Variants in MYO16 observed in about 807,000 individuals in gnomAD.
The protein encoded by MYO16 is unconventional myosin-XVI.
A neutral mutation model predicts 205.3 loss-of-function variants in MYO16; 94 were observed. The observed-to-expected ratio is 0.46, with a 90% CI of 0.39 to 0.54. The LOEUF is 0.54. Among genes scored for constraint, MYO16 ranks in the 20% least tolerant of loss-of-function variants. MYO16 has a pLI of 0.00. For synonymous variants in MYO16, 988 were observed against 954.0 expected, an observed-to-expected ratio of 1.04 and a Z score of -0.66; for missense variants, 2,315 against 2,387.5, an observed-to-expected ratio of 0.97 and a Z score of 0.63.
intron 16 of MYO16, among the ~76,000 whole-genome samples, chr13:108,922,282 C>A (rs1170407860): frequency 6.7e-6 from 1 of 148,258 alleles, no homozygotes; most frequent in Non-Finnish European, 1.5e-5. Flanking sequence ...GACTGCAGAG[C>A]CCTGGGAGGC....
chr13:109,098,026 T>C (rs1025575791), intron 27 of MYO16, among the ~76,000 whole-genome samples: 13 of 152,254 alleles, frequency 8.5e-5, no homozygotes, highest in Admixed American at 7.9e-4. Flanking sequence ...CAAATTACCA[T>C]AGACTGTGTG....
chr13:109,056,064 T>C (rs183982985), intron 27 of MYO16: 2 of 158,394 alleles, frequency 1.3e-5, no homozygotes, highest in East Asian at 3.6e-4. Flanking sequence ...CCACAATCAT[T>C]TCTTTGCATA....
At chr13:108,999,663 T>C (rs537317465) in intron 21 of MYO16, among the ~76,000 whole-genome samples, 13 of 152,270 alleles carry the variant, frequency 8.5e-5, no homozygotes, top group African/African-American at 2.9e-4. Flanking sequence ...ATATAAACTA[T>C]ACATTTAATG....
chr13:109,031,493 T>C (rs1886546497), intron 23 of MYO16, among the ~76,000 whole-genome samples: 1 of 152,220 alleles, frequency 6.6e-6, no homozygotes, highest in South Asian at 2.1e-4. Context: ...ACCTAAACTA[T>C]TGGCACTGAT....
chr13:108,566,542 G>T, the MYO16 span, among the ~76,000 whole-genome samples: 16 of 151,902 alleles, frequency 1.1e-4, no homozygotes, highest in Non-Finnish European at 2.1e-4. Context: ...TGAGGCAGGA[G>T]AATTGCTAAA....
intron 33 of MYO16, among the ~76,000 whole-genome samples, chr13:109,176,122 C>G (rs1879161456): frequency 6.6e-6 from 1 of 152,036 alleles, no homozygotes; most frequent in African/African-American, 2.4e-5. Flanking sequence ...TGCATATTCT[C>G]TTTATGTCTG....
At chr13:108,826,265 C>G (rs1876258878) in intron 9 of MYO16, among the ~76,000 whole-genome samples, 1 of 151,932 alleles carries the variant, frequency 6.6e-6, no homozygotes, top group Non-Finnish European at 1.5e-5. Context: ...AAAAAGAACC[C>G]CTTACATTTC....
At chr13:108,855,357 C>A in intron 10 of MYO16, 86 bp from the exon 11 acceptor site, 1 of 598,288 alleles carries the variant, frequency 1.7e-6, no homozygotes, top group South Asian at 3.7e-5. Flanking sequence ...AAATGTTTGA[C>A]AGGTAATTGA....
chr13:108,691,901 G>A (rs771654921), intron 2 of MYO16, among the ~76,000 whole-genome samples: 20 of 152,110 alleles, frequency 1.3e-4, no homozygotes, highest in Non-Finnish European at 2.8e-4. Context: ...GAATCTTTAG[G>A]AAACAATTCT....
At chr13:108,807,633 C>T (rs1296711839) in intron 7 of MYO16, among the ~76,000 whole-genome samples, 4 of 152,076 alleles carry the variant, frequency 2.6e-5, no homozygotes, top group African/African-American at 9.7e-5. Flanking sequence ...GAGGCTATCC[C>T]ATTGGTTCAA....
intron 32 of MYO16, among the ~76,000 whole-genome samples, chr13:109,159,084 C>T (rs188123336): frequency 6.6e-6 from 1 of 152,160 alleles, no homozygotes; most frequent in Non-Finnish European, 1.5e-5. Context: ...ATGTATGGAC[C>T]TTGTGTCTTT....
chr13:108,556,399 T>C, the MYO16 span, among the ~76,000 whole-genome samples: 1 of 152,200 alleles, frequency 6.6e-6, no homozygotes, highest in Non-Finnish European at 1.5e-5. Flanking sequence ...TGAGCCTTTT[T>C]TTTGTATACC....
intron 33 of MYO16, among the ~76,000 whole-genome samples, chr13:109,178,970 T>C (rs2139913845): frequency 1.3e-5 from 2 of 152,344 alleles, no homozygotes; most frequent in Non-Finnish European, 2.9e-5. Flanking sequence ...CTCTGCATGG[T>C]TGCTCATGAA....
chr13:108,738,166 G>C (rs1221571919), intron 4 of MYO16, among the ~76,000 whole-genome samples: 1 of 114,856 alleles, frequency 8.7e-6, no homozygotes, highest in Non-Finnish European at 1.8e-5. Flanking sequence ...GTTATCTCTT[G>C]CGTTCTGCTA....
chr13:108,836,253 T>C (rs988334503), intron 9 of MYO16, among the ~76,000 whole-genome samples: 1 of 152,204 alleles, frequency 6.6e-6, no homozygotes, highest in African/African-American at 2.4e-5. Context: ...CCCCAAGCCT[T>C]GGTGGAATAC....
Position 109,165,058 on chromosome 13 carries a change from T to C in MYO16, c.5322T>C (p.Asn1774=). 2 of 1,590,568 alleles carry C rather than the reference T, an allele frequency of 1.3e-6. No individual in the cohort carries two copies. The highest frequency in any genetic ancestry group is 2.3e-5 in the South Asian group (2 of 86,454). Residue 1774 remains asparagine (N), a splice_region_variant and synonymous_variant, in exon 33 of 35, where the codon AAT becomes AAC. Transcript: ENST00000457511. ...ITAENGNSIS[N]GLPEEDGYSR... is the part of the protein sequence containing the mutation. ...CTGAAAATGGAAATTCCATCTCAAA[T>C]GGTAAGCACTTTTTAAACTCAGAAG...
chr13:108,723,454 T>G (rs1884234730), intron 3 of MYO16, among the ~76,000 whole-genome samples: 1 of 152,168 alleles, frequency 6.6e-6, no homozygotes, highest in Admixed American at 6.5e-5. Context: ...TTTTGTAACT[T>G]TTGGTTTTAC....
chr13:108,880,644 G>C (rs911044591), intron 12 of MYO16, among the ~76,000 whole-genome samples: 1 of 152,072 alleles, frequency 6.6e-6, no homozygotes, highest in African/African-American at 2.4e-5. Context: ...TCTTGTTTTT[G>C]TCAGGTTTGT....
chr13:108,950,064 T>TGTAAAGC (rs1883086179), intron 16 of MYO16, among the ~76,000 whole-genome samples: 2 of 150,856 alleles, frequency 1.3e-5, no homozygotes, highest in Admixed American at 6.6e-5. Flanking sequence ...GAGACCTAAA[T>TGTAAAGC]GTAAAGCATA....
Sources: gnomAD v4.1 joint callset for allele counts (sites outside exome capture counted in the v4.1 genomes callset) on GRCh38, gnomAD v4.1.1 for gene constraint, MANE v1.5 for transcripts, NCBI Gene and HGNC (gene_info 2026-07-23, HGNC 2026-07-21) for gene names.